AKR1C8: variants seen among roughly 807,000 people sequenced by gnomAD.
The protein encoded by AKR1C8 is aldo-keto reductase family 1 member C8, also known as aldo-keto reductase family 1 member C-like protein 1.
the AKR1C8 span, among the ~76,000 whole-genome samples, chr10:5,129,817 A>G: frequency 1.3e-5 from 2 of 152,082 alleles, no homozygotes; most frequent in African/African-American, 2.4e-5. Context: ...AGATGGATTC[A>G]CAGCAGAATT....
the AKR1C8 span, chr10:5,132,817 G>T: frequency 1.2e-6 from 1 of 808,880 alleles, no homozygotes; most frequent in Non-Finnish European, 1.9e-6. Context: ...GTGCTCAACA[G>T]GTAGTTCAGG....
chr10:5,155,253 T>C, the AKR1C8 span: 1 of 152,228 alleles, frequency 6.6e-6, no homozygotes, highest in African/African-American at 2.4e-5. Flanking sequence ...AACACAAAGA[T>C]AGAGCTGGAT....
the AKR1C8 span, chr10:5,132,521 T>C: frequency 8.0e-7 from 1 of 1,252,552 alleles, no homozygotes; most frequent in Admixed American, 2.8e-5. Flanking sequence ...TTCACCCACC[T>C]ACAGATCCAG....
chr10:5,123,015 G>T, the AKR1C8 span, among the ~76,000 whole-genome samples: 1 of 152,086 alleles, frequency 6.6e-6, no homozygotes. Context: ...AGCAGATGTC[G>T]CTAGCACAGG....
chr10:5,179,944 T>C, the AKR1C8 span, among the ~76,000 whole-genome samples: 2 of 152,226 alleles, frequency 1.3e-5, no homozygotes, highest in South Asian at 4.1e-4. Flanking sequence ...TCAGAGTAGT[T>C]TGATCATCTG....
the AKR1C8 span, among the ~76,000 whole-genome samples, chr10:5,129,612 C>CA: frequency 6.6e-6 from 1 of 151,792 alleles, no homozygotes; most frequent in South Asian, 2.1e-4. Context: ...CACAGAAATA[C>CA]AAAAAATCAT....
the AKR1C8 span, among the ~76,000 whole-genome samples, chr10:5,148,101 A>G: frequency 6.6e-6 from 1 of 152,010 alleles, no homozygotes; most frequent in Non-Finnish European, 1.5e-5. Flanking sequence ...GCTTCACAAG[A>G]CTCAAGGGAC....
the AKR1C8 span, among the ~76,000 whole-genome samples, chr10:5,167,706 C>A: frequency 0.086 from 13,061 of 152,008 alleles, 676 homozygotes; most frequent in East Asian, 0.14. Context: ...ATGCAGCACA[C>A]CAACATGGCA....
At chr10:5,164,852 C>T in the AKR1C8 span, among the ~76,000 whole-genome samples, 1 of 152,198 alleles carries the variant, frequency 6.6e-6, no homozygotes, top group Non-Finnish European at 1.5e-5. Flanking sequence ...AACAGCCTGT[C>T]AGGGCTTTGG....
At chr10:5,157,224 T>G in the AKR1C8 span, among the ~76,000 whole-genome samples, 1 of 152,078 alleles carries the variant, frequency 6.6e-6, no homozygotes, top group Non-Finnish European at 1.5e-5. Flanking sequence ...GGGGCTTTTG[T>G]GGTGAAAACT....
At chr10:5,121,028 C>G in the AKR1C8 span, among the ~76,000 whole-genome samples, 1 of 151,812 alleles carries the variant, frequency 6.6e-6, no homozygotes, top group Admixed American at 6.6e-5. Context: ...ATATGCTCTA[C>G]AACAATCCAG....
chr10:5,145,241 C>T, the AKR1C8 span, among the ~76,000 whole-genome samples: 2 of 152,140 alleles, frequency 1.3e-5, no homozygotes, highest in Non-Finnish European at 2.9e-5. Context: ...ACCATAAAAA[C>T]CCTAGAAGAA....
chr10:5,172,889 T>C, the AKR1C8 span, among the ~76,000 whole-genome samples: 2 of 152,148 alleles, frequency 1.3e-5, no homozygotes, highest in South Asian at 2.1e-4. Context: ...CTAGTAGTTA[T>C]AAGATTTACA....
At chr10:5,138,595 A>G in the AKR1C8 span, among the ~76,000 whole-genome samples, 1 of 152,198 alleles carries the variant, frequency 6.6e-6, no homozygotes, top group East Asian at 1.9e-4. Flanking sequence ...TCCTCAGCTT[A>G]TGAAGATAAC....
the AKR1C8 span, among the ~76,000 whole-genome samples, chr10:5,152,186 T>C: frequency 6.6e-6 from 1 of 152,286 alleles, no homozygotes; most frequent in African/African-American, 2.4e-5. Flanking sequence ...CCACAAAGAA[T>C]TTGGGATTTA....
At chr10:5,135,550 CT>C in the AKR1C8 span, among the ~76,000 whole-genome samples, 2 of 151,642 alleles carry the variant, frequency 1.3e-5, no homozygotes, top group African/African-American at 4.8e-5. Flanking sequence ...TATTATCTAT[CT>C]ATCTATCATC....
At chr10:5,149,186 A>T in the AKR1C8 span, among the ~76,000 whole-genome samples, 1 of 152,140 alleles carries the variant, frequency 6.6e-6, no homozygotes, top group South Asian at 2.1e-4. Context: ...GATAAATTGT[A>T]GTAAGTAATA....
the AKR1C8 span, among the ~76,000 whole-genome samples, chr10:5,127,866 A>G: frequency 1.3e-5 from 2 of 152,128 alleles, no homozygotes; most frequent in Non-Finnish European, 2.9e-5. Flanking sequence ...ACCTGAGAGA[A>G]TAATTGAGAA....
the AKR1C8 span, among the ~76,000 whole-genome samples, chr10:5,174,109 T>G: frequency 6.6e-6 from 1 of 151,922 alleles, no homozygotes; most frequent in Non-Finnish European, 1.5e-5. Context: ...CTTCCAACTA[T>G]ACCTATTTAT....
Sources: allele counts gnomAD v4.1 joint callset (sites outside exome capture counted in the v4.1 genomes callset), GRCh38; gene constraint gnomAD v4.1.1; transcripts MANE v1.5; gene names NCBI Gene and HGNC (gene_info 2026-07-23, HGNC 2026-07-21).